Variants in TUBGCP4 observed in about 807,000 individuals in gnomAD.
TUBGCP4 encodes the protein tubulin gamma complex component 4.
TUBGCP4 carries 54 observed loss-of-function variants against 91.6 expected under a neutral mutation model. The ratio of observed to expected loss-of-function variants is 0.59; its 90% CI spans 0.47 to 0.74. The LOEUF (loss-of-function observed/expected upper bound fraction) is 0.74, where lower values mean the gene tolerates loss of function less well. Ranked by LOEUF, TUBGCP4 falls within the 30% of genes least tolerant of loss-of-function variation. The pLI is 0.00. For synonymous variants in TUBGCP4, 297 were observed against 302.8 expected, an observed-to-expected ratio of 0.98 and a Z score of 0.20; for missense variants, 593 against 800.9, an observed-to-expected ratio of 0.74 and a Z score of 3.13.
intron 17 of TUBGCP4, 121 bp downstream of exon 17, chr15:43,404,673 G>C (rs1417004066): frequency 1.3e-5 from 14 of 1,051,222 alleles, no homozygotes; most frequent in East Asian, 2.5e-5. Context: ...GTAAGGCTTA[G>C]AGATAGAGGT....
chr15:43,403,541 G>A, intron 15 of TUBGCP4, 142 bp from the exon 16 acceptor site: 1 of 631,356 alleles, frequency 1.6e-6, no homozygotes, highest in Non-Finnish European at 2.8e-6. Flanking sequence ...GGCAGGCCTT[G>A]CACGTGGCAG....
At chr15:43,404,769 A>C in intron 17 of TUBGCP4, 1 of 577,496 alleles carries the variant, frequency 1.7e-6, no homozygotes, top group Non-Finnish European at 3.0e-6. Flanking sequence ...TGACAGTGAG[A>C]TAGGTGTTAA....
Position 43,398,061 on chromosome 15 carries a change from G to A in TUBGCP4, c.1300G>A (p.Gly434Arg). 1.9e-6 allele frequency: 3 copies of A among 1,613,718 alleles called. No homozygotes were observed. Among genetic ancestry groups the A allele is most frequent in the Non-Finnish European group, 2.5e-6 (3 of 1,179,858 alleles). The change falls in exon 13 of 18, where the codon GGG (glycine) becomes AGG (arginine). Residue 434 changes from glycine to arginine, a missense_variant. Gly to Arg is a moderately radical substitution (Grantham distance 125). Coordinates refer to ENST00000564079, the MANE Select transcript of TUBGCP4 (RefSeq NM_014444.5). ...EHKDATQARE[G>R]PSRETSPREA... is the part of the protein sequence containing the mutation. ...AGCAGATGCTACTCAGGCAAGAGAA[G>A]GGCCTTCTCGGGAAACTTCTCCCCG...
At chr15:43,398,799 T>C (rs1040303679) in intron 13 of TUBGCP4, among the ~76,000 whole-genome samples, 1 of 152,212 alleles carries the variant, frequency 6.6e-6, no homozygotes, top group Admixed American at 6.5e-5. Flanking sequence ...TCCTGTGTCC[T>C]CATTATTCAC....
chr15:43,399,000 A>G lies in TUBGCP4; in HGVS notation c.1418+821A>G, dbSNP rs527812877. 48 of 395,748 alleles carry G rather than the reference A, an allele frequency of 1.2e-4. 2 individuals carry two copies. Among genetic ancestry groups the G allele is most frequent in the South Asian group, 1.1e-3 (46 of 40,516 alleles). 24.5% of individuals were successfully genotyped at this position (395,748 alleles called of 1,614,324 possible). A position where few individuals can be genotyped will look rare whatever the true frequency, so the allele number is the denominator to read the frequency against. On this transcript the variant is annotated intron_variant, in intron 13 of 17. Coordinates refer to ENST00000564079, the MANE Select transcript of TUBGCP4 (RefSeq NM_014444.5). The stretch of plus-strand genomic sequence containing the variant: ...GTAGTCCCTTATAATCCCTTATAAT[A>G]TCCAGTCTACATTGAAATTTCTCCA...
chr15:43,389,064 G>A (rs962169998), intron 9 of TUBGCP4, among the ~76,000 whole-genome samples: 6 of 152,270 alleles, frequency 3.9e-5, no homozygotes, highest in African/African-American at 1.4e-4. Context: ...GCAACACTCA[G>A]TTCGTTCCAT....
At chr15:43,388,162 T>C (rs919948625) in intron 9 of TUBGCP4, among the ~76,000 whole-genome samples, 2 of 152,172 alleles carry the variant, frequency 1.3e-5, no homozygotes, top group African/African-American at 4.8e-5. Context: ...GTACTTCTAT[T>C]TAAGCAAGCC....
intron 9 of TUBGCP4, among the ~76,000 whole-genome samples, chr15:43,389,845 C>T (rs1448211431): frequency 6.6e-6 from 1 of 151,990 alleles, no homozygotes; most frequent in Non-Finnish European, 1.5e-5. Context: ...TTTTACGTGG[C>T]AGCAGGCAAG....
intron 9 of TUBGCP4, among the ~76,000 whole-genome samples, chr15:43,388,488 A>G (rs780107375): frequency 4.6e-5 from 7 of 152,198 alleles, no homozygotes; most frequent in Admixed American, 2.6e-4. Flanking sequence ...ATTTTAAGAC[A>G]TTGCTTCAAC....
At chr15:43,373,051 T>A (rs1457224204) in intron 1 of TUBGCP4, among the ~76,000 whole-genome samples, 1 of 152,182 alleles carries the variant, frequency 6.6e-6, no homozygotes, top group Admixed American at 6.5e-5. Flanking sequence ...TCTTTTACAT[T>A]TGAGTAAAGG....
Position 43,371,115 on chromosome 15 carries a change from C to A in TUBGCP4, c.-240C>A. 1.7e-6 allele frequency: 1 copy of A among 588,452 alleles called. No individual in the cohort carries two copies. The highest frequency in any genetic ancestry group is 1.9e-5 in the South Asian group (1 of 52,314). The allele number at this position is 588,452 out of a possible 1,614,324, so 36.5% of individuals were successfully genotyped here. A position where few individuals can be genotyped will look rare whatever the true frequency, so the allele number is the denominator to read the frequency against. ...GACCGCGACTCAGTCTCCGCAGAGC[C>A]CGGGCGGGAGTAGCTGGTGGACCCC... On this transcript the variant is annotated 5_prime_UTR_variant, in exon 1 of 18. Coordinates refer to ENST00000564079, the MANE Select transcript of TUBGCP4 (RefSeq NM_014444.5).
chr15:43,375,282 C>T (rs527901564), intron 1 of TUBGCP4, among the ~76,000 whole-genome samples: 1 of 152,300 alleles, frequency 6.6e-6, no homozygotes, highest in East Asian at 1.9e-4. Context: ...GGGCTGGATA[C>T]GGAGTTTCAT....
At chr15:43,398,293 T>C (rs1369238537) in intron 13 of TUBGCP4, 114 bp downstream of exon 13, 8 of 1,206,784 alleles carry the variant, frequency 6.6e-6, no homozygotes, top group Non-Finnish European at 9.2e-6. Context: ...ACACCTGTAA[T>C]CCCAGCTAGT....
At chr15:43,385,673 G>A in intron 7 of TUBGCP4, 118 bp from the exon 8 acceptor site, 2 of 1,077,054 alleles carry the variant, frequency 1.9e-6, no homozygotes, top group Non-Finnish European at 2.7e-6. Flanking sequence ...TGCAACACCA[G>A]ATTTGAAGTC....
Position 43,404,591 on chromosome 15 carries a change from G to C in TUBGCP4, c.1988+39G>C, listed in dbSNP as rs757434614. ...TTGGGTAACTCAGTAGACTTTTTAA[G>C]GTGGCTTTTTAATGAGTTGTAGAAT... On this transcript the variant is annotated intron_variant, in intron 17 of 17. Coordinates refer to ENST00000564079, the MANE Select transcript of TUBGCP4 (RefSeq NM_014444.5). 4.8e-5 allele frequency: 77 copies of C among 1,604,260 alleles called. 1 individual carries two copies. In the South Asian group the frequency reaches 8.4e-4, roughly 18 times the overall value.
At chr15:43,400,251 G>A in intron 14 of TUBGCP4, 30 bp downstream of exon 14, 1 of 1,597,598 alleles carries the variant, frequency 6.3e-7, no homozygotes, top group Non-Finnish European at 8.6e-7. Context: ...TAGAAGGAAG[G>A]GGTACGGAAA....
Position 43,407,905 on chromosome 15 carries a change from C to A in TUBGCP4, c.*2691C>A. The A allele has an allele frequency of 6.3e-7, 1 of 1,590,390 alleles. No homozygotes were observed. The highest frequency in any genetic ancestry group is 1.1e-5 in the South Asian group (1 of 88,558). On this transcript the variant is annotated 3_prime_UTR_variant, in exon 18 of 18. Transcript: ENST00000564079. ...CTAACACCTACAGGTCTAAGGAGAT[C>A]CCTGGAACAAAGACACTACACACAC... is the stretch of plus-strand genomic sequence containing the variant.
intron 1 of TUBGCP4, among the ~76,000 whole-genome samples, chr15:43,373,884 C>T (rs6493088): frequency 0.27 from 40,603 of 151,898 alleles, 8,757 homozygotes; most frequent in African/African-American, 0.59. Context: ...GATCTCCTGA[C>T]CTCGTGATCC....
intron 9 of TUBGCP4, among the ~76,000 whole-genome samples, chr15:43,388,905 T>C (rs891611962): frequency 3.9e-5 from 6 of 152,218 alleles, no homozygotes; most frequent in African/African-American, 1.4e-4. Context: ...TTCTCTCCTT[T>C]AAAAATTTTT....
Sources: gnomAD v4.1 joint callset for allele counts (sites outside exome capture counted in the v4.1 genomes callset) on GRCh38, gnomAD v4.1.1 for gene constraint, MANE v1.5 for transcripts, NCBI Gene and HGNC (gene_info 2026-07-23, HGNC 2026-07-21) for gene names.